AGBL4: variants seen among roughly 807,000 people sequenced by gnomAD.
The protein encoded by AGBL4 is cytosolic carboxypeptidase 6.
AGBL4 carries 58 observed loss-of-function variants against 66.4 expected under a neutral mutation model. That is an observed-to-expected ratio of 0.87 (90% confidence interval 0.71 to 1.09). The LOEUF is 1.09. Among genes scored for constraint, AGBL4 ranks in the 50% least tolerant of loss-of-function variants. The pLI, the probability that AGBL4 is intolerant of heterozygous loss-of-function variation, is 0.00. For synonymous variants in AGBL4, 234 were observed against 222.9 expected (o/e 1.05, Z -0.44); for missense variants, 579 against 631.0 (o/e 0.92, Z 0.88).
intron 1 of AGBL4, among the ~76,000 whole-genome samples, chr1:49,939,126 C>T (rs371460425): frequency 1.5e-4 from 23 of 152,074 alleles, no homozygotes; most frequent in African/African-American, 5.6e-4. Context: ...AATAAAATAC[C>T]TAGGAATCCA....
intron 4 of AGBL4, among the ~76,000 whole-genome samples, chr1:49,199,568 A>AT (rs558137181): frequency 1.0e-3 from 155 of 152,248 alleles, no homozygotes; most frequent in African/African-American, 3.6e-3. Context: ...GGAAGATCTC[A>AT]TTTTTATCCC....
intron 2 of AGBL4, among the ~76,000 whole-genome samples, chr1:49,804,704 A>C (rs868110785): frequency 2.6e-5 from 4 of 152,206 alleles, no homozygotes; most frequent in Admixed American, 6.6e-5. Flanking sequence ...TTTATAAATA[A>C]TTTGCATTTT....
chr1:49,108,966 C>T (rs1218593779), intron 4 of AGBL4, among the ~76,000 whole-genome samples: 1 of 152,158 alleles, frequency 6.6e-6, no homozygotes, highest in Non-Finnish European at 1.5e-5. Flanking sequence ...TCTCTGGGCC[C>T]TTCATCCAGT....
At chr1:48,699,725 C>A (rs1260243294) in intron 6 of AGBL4, among the ~76,000 whole-genome samples, 1 of 152,196 alleles carries the variant, frequency 6.6e-6, no homozygotes, top group African/African-American at 2.4e-5. Flanking sequence ...CAGTTGTCCA[C>A]AAAGGGTGAA....
At chr1:49,950,020 ATGTGTGTG>A (rs71059568) in intron 1 of AGBL4, among the ~76,000 whole-genome samples, 1 of 138,318 alleles carries the variant, frequency 7.2e-6, no homozygotes, top group Non-Finnish European at 1.6e-5. Flanking sequence ...ACACACACAT[ATGTGTGTG>A]TGTGTATATA....
chr1:48,873,063 C>T (rs1017938193), intron 5 of AGBL4, among the ~76,000 whole-genome samples: 3 of 152,140 alleles, frequency 2.0e-5, no homozygotes, highest in Non-Finnish European at 2.9e-5. Context: ...AGTTTTCTTT[C>T]CTACAGGTCA....
intron 3 of AGBL4, among the ~76,000 whole-genome samples, chr1:49,549,293 T>C (rs533654057): frequency 5.0e-4 from 76 of 151,924 alleles, no homozygotes; most frequent in Admixed American, 2.6e-3. Flanking sequence ...TCTGCCCTGA[T>C]CTTGGTTATT....
At position 48,668,107 on chromosome 1, in the gene AGBL4, A is replaced by G. The variant is rs774550450; in HGVS notation, c.635-4866T>C. Among the ~76,000 whole-genome samples the G allele has an allele frequency of 5.2e-4, 79 of 152,174 alleles. 1 individual carries two copies. Among genetic ancestry groups the G allele is most frequent in the Admixed American group, 2.9e-3 (45 of 15,278 alleles). ...GATAAAGTCAAGAAAATGCCCTACT[A>G]TGGGTTTCTAAACCAGACAAGTTTC... On this transcript the variant is annotated intron_variant, in intron 6 of 13. Transcript: ENST00000371839.
intron 4 of AGBL4, among the ~76,000 whole-genome samples, chr1:49,212,052 G>A (rs900278930): frequency 1.3e-5 from 2 of 152,038 alleles, no homozygotes; most frequent in African/African-American, 2.4e-5. Flanking sequence ...AAGATTCAAT[G>A]AGTTTTAGTG....
At chr1:49,420,700 C>CAA (rs34864072) in intron 3 of AGBL4, among the ~76,000 whole-genome samples, 1 of 124,614 alleles carries the variant, frequency 8.0e-6, no homozygotes, top group Non-Finnish European at 1.7e-5. Context: ...GACTCCGTCT[C>CAA]AAAAAAAAAA....
chr1:49,184,720 A>T (rs184954721), intron 4 of AGBL4, among the ~76,000 whole-genome samples: 23 of 152,218 alleles, frequency 1.5e-4, no homozygotes, highest in African/African-American at 5.3e-4. Context: ...ATAAAATTAC[A>T]TCACATTTGT....
chr1:49,948,564 AATATATATATATAT>A (rs71059566), intron 1 of AGBL4, among the ~76,000 whole-genome samples: 44 of 64,570 alleles, frequency 6.8e-4, no homozygotes, highest in South Asian at 1.5e-3. Context: ...AATATATAAA[AATATATATATATAT>A]ATATAGAGAG....
At chr1:49,808,194 T>C (rs531078884) in intron 2 of AGBL4, among the ~76,000 whole-genome samples, 171 of 152,260 alleles carry the variant, frequency 1.1e-3, no homozygotes, top group African/African-American at 3.8e-3. Context: ...CTGGTGAATA[T>C]GGTGACAGAA....
At chr1:49,520,672 T>A (rs1255660903) in intron 3 of AGBL4, among the ~76,000 whole-genome samples, 2 of 152,002 alleles carry the variant, frequency 1.3e-5, no homozygotes. Context: ...CCTGGCTGCC[T>A]GATCTGATTC....
chr1:49,546,012 T>C (rs1304156044), intron 3 of AGBL4, among the ~76,000 whole-genome samples: 1 of 152,078 alleles, frequency 6.6e-6, no homozygotes, highest in Admixed American at 6.6e-5. Flanking sequence ...ATATTTGTAG[T>C]CTCTTATCCC....
intron 3 of AGBL4, among the ~76,000 whole-genome samples, chr1:49,597,180 A>T (rs768348500): frequency 6.6e-6 from 1 of 152,354 alleles, no homozygotes; most frequent in Middle Eastern, 3.4e-3. Flanking sequence ...AGTATTAAGA[A>T]TCAATTAGAT....
At chr1:48,802,947 T>C (rs929630743) in intron 6 of AGBL4, among the ~76,000 whole-genome samples, 3 of 152,216 alleles carry the variant, frequency 2.0e-5, no homozygotes, top group Admixed American at 2.0e-4. Flanking sequence ...GCAGTCTGCA[T>C]GCCTAACCTG....
chr1:49,268,409 AACACACACACACACACACACACACAC>A (rs66639251), intron 3 of AGBL4: 1 of 132,950 alleles, frequency 7.5e-6, no homozygotes, highest in Non-Finnish European at 1.6e-5. Flanking sequence ...TTTTTTTTTA[AACACACACACACACACACACACACAC>A]ACACACACAC....
At chr1:48,928,352 T>G (rs1654763212) in intron 5 of AGBL4, among the ~76,000 whole-genome samples, 2 of 152,204 alleles carry the variant, frequency 1.3e-5, no homozygotes, top group Admixed American at 1.3e-4. Flanking sequence ...AGACAGAATC[T>G]GACTGTTCTG....
Sources: gnomAD v4.1 joint callset for allele counts (sites outside exome capture counted in the v4.1 genomes callset) on GRCh38, gnomAD v4.1.1 for gene constraint, MANE v1.5 for transcripts, NCBI Gene and HGNC (gene_info 2026-07-23, HGNC 2026-07-21) for gene names.